ANKFN1: variants seen among roughly 807,000 people sequenced by gnomAD.
The protein encoded by ANKFN1 is ankyrin repeat and fibronectin type-III domain-containing protein 1.
In ANKFN1, 74 loss-of-function variants were observed where a neutral mutation model predicts 108.7. That is an observed-to-expected ratio of 0.68 (90% CI 0.56 to 0.83). ANKFN1 has a LOEUF of 0.83. ANKFN1 is among the 40% of genes least tolerant of loss of function. The probability of loss-of-function intolerance (pLI) is 0.00; values close to 1 mark genes in which losing one functional copy is unlikely to be tolerated. For missense variants in ANKFN1, 1,505 were observed against 1,382.3 expected, an observed-to-expected ratio of 1.09 and a Z score of -1.41; for synonymous variants, 547 against 516.2, an observed-to-expected ratio of 1.06 and a Z score of -0.81.
At chr17:56,256,723 G>A (rs1380493176) in intron 3 of ANKFN1, among the ~76,000 whole-genome samples, 1 of 152,134 alleles carries the variant, frequency 6.6e-6, no homozygotes, top group Non-Finnish European at 1.5e-5. Flanking sequence ...AATCTACAGA[G>A]TGGCTAATAT....
At chr17:56,165,018 G>A (rs956463143) in intron 1 of ANKFN1, among the ~76,000 whole-genome samples, 2 of 152,222 alleles carry the variant, frequency 1.3e-5, no homozygotes, top group Non-Finnish European at 2.9e-5. Flanking sequence ...CTTAGTTAAT[G>A]TTTCAGAGCC....
At chr17:56,301,709 G>T (rs774504112) in intron 3 of ANKFN1, among the ~76,000 whole-genome samples, 14 of 152,168 alleles carry the variant, frequency 9.2e-5, no homozygotes, top group Non-Finnish European at 2.1e-4. Flanking sequence ...GAGATAGAAT[G>T]GTGAAACTCT....
rs181837096 is a variant in ANKFN1, at chr17:56,233,809, G to C, written c.53+5852G>C. On this transcript the variant is annotated intron_variant, in intron 3 of 20. Coordinates refer to ENST00000682825, the MANE Select transcript of ANKFN1 (RefSeq NM_001370326.1). Reference sequence around the variant, plus strand: ...TAGATGTGTAACAAAATTTATGATTGATGAATGAATATAGTTTCCATGTAA... The same window carrying C: ...TAGATGTGTAACAAAATTTATGATTCATGAATGAATATAGTTTCCATGTAA... 3.4e-4 allele frequency among the ~76,000 whole-genome samples: 52 copies of C among 151,992 alleles called. No homozygotes were observed. The East Asian group carries it at 9.3e-3, about 27-fold the overall frequency.
At chr17:56,121,041 T>TA (rs1156610098) in intron 4 of ANKFN1, among the ~76,000 whole-genome samples, 1 of 152,124 alleles carries the variant, frequency 6.6e-6, no homozygotes, top group African/African-American at 2.4e-5. Context: ...CACTTAGTGA[T>TA]TAATCTTCTC....
Position 56,413,848 on chromosome 17 carries a change from T to C in ANKFN1, c.911-26479T>C, listed in dbSNP as rs1033634815. ...GATTCTCCTTCCTCAGCCTCCCAAG[T>C]AGCTGGGATTACAGAGATGGGGTTT... On this transcript the variant is annotated intron_variant, in intron 8 of 20. Coordinates refer to ENST00000682825, the MANE Select transcript of ANKFN1 (RefSeq NM_001370326.1). 5.9e-5 allele frequency among the ~76,000 whole-genome samples: 9 copies of C among 152,228 alleles called. No homozygotes were observed. In the East Asian group the frequency reaches 1.5e-3, roughly 26 times the overall value.
intron 8 of ANKFN1, among the ~76,000 whole-genome samples, chr17:56,407,931 CTTTTTTTTT>C (rs761975892): frequency 5.6e-3 from 586 of 104,642 alleles, no homozygotes; most frequent in African/African-American, 0.018. Flanking sequence ...TCTTTTTTAT[CTTTTTTTTT>C]TTTTTTTTTT....
intron 3 of ANKFN1, among the ~76,000 whole-genome samples, chr17:56,274,854 A>G (rs1275883854): frequency 6.6e-6 from 1 of 152,200 alleles, no homozygotes; most frequent in Admixed American, 6.5e-5. Flanking sequence ...CCCAAGGTTA[A>G]AGGCCATTAG....
chr17:56,274,083 A>G (rs540765458), intron 3 of ANKFN1, among the ~76,000 whole-genome samples: 1 of 152,278 alleles, frequency 6.6e-6, no homozygotes, highest in Non-Finnish European at 1.5e-5. Flanking sequence ...TTCTTATTGG[A>G]TAGATCCGAG....
At chr17:56,472,408 C>A (rs1405367254) in intron 15 of ANKFN1, 2 of 152,102 alleles carry the variant, frequency 1.3e-5, no homozygotes. Flanking sequence ...AAGCAACTAC[C>A]TATTGTTCCT....
At chr17:56,123,825 G>A (rs202114567) in intron 4 of ANKFN1, among the ~76,000 whole-genome samples, 3 of 138,886 alleles carry the variant, frequency 2.2e-5, no homozygotes, top group Admixed American at 7.2e-5. Context: ...GTGTGTGTGT[G>A]ACAGAGAGAG....
At chr17:56,072,732 T>C (rs1258185741) in intron 4 of ANKFN1, among the ~76,000 whole-genome samples, 4 of 152,236 alleles carry the variant, frequency 2.6e-5, no homozygotes, top group African/African-American at 9.6e-5. Flanking sequence ...TAGCACAGGC[T>C]CTGGCCTGTA....
At chr17:56,077,762 C>G (rs190663768) in intron 4 of ANKFN1, among the ~76,000 whole-genome samples, 1 of 152,158 alleles carries the variant, frequency 6.6e-6, no homozygotes, top group African/African-American at 2.4e-5. Flanking sequence ...CTTTCTCTCC[C>G]ACCTTGGAAT....
chr17:56,500,727 G>A (rs1244125375), intron 20 of ANKFN1, among the ~76,000 whole-genome samples: 2 of 152,138 alleles, frequency 1.3e-5, no homozygotes, highest in Non-Finnish European at 2.9e-5. Flanking sequence ...CAGTTTGGCT[G>A]AAACTCAGGA....
At chr17:56,364,817 A>T (rs2046618994) in intron 6 of ANKFN1, among the ~76,000 whole-genome samples, 1 of 152,234 alleles carries the variant, frequency 6.6e-6, no homozygotes, top group Non-Finnish European at 1.5e-5. Flanking sequence ...AAGTTATAGG[A>T]GAAGAAAGTT....
At chr17:56,160,988 G>C (rs1252982263) in intron 1 of ANKFN1, among the ~76,000 whole-genome samples, 1 of 152,200 alleles carries the variant, frequency 6.6e-6, no homozygotes, top group Admixed American at 6.5e-5. Context: ...GAAAAAACCA[G>C]AGGGCTCTTT....
intron 4 of ANKFN1, among the ~76,000 whole-genome samples, chr17:56,101,386 C>T (rs1321022692): frequency 6.6e-6 from 1 of 152,178 alleles, no homozygotes; most frequent in Non-Finnish European, 1.5e-5. Flanking sequence ...TGCCAAACTT[C>T]CCTCCTCATT....
At chr17:56,150,644 C>T (rs1388560987), upstream of ANKFN1, among the ~76,000 whole-genome samples, 1 of 152,140 alleles carries the variant, frequency 6.6e-6, no homozygotes, top group Non-Finnish European at 1.5e-5. Flanking sequence ...TTCTGCTCAT[C>T]ACATTCTCTT....
At chr17:56,405,557 T>A (rs546540293) in intron 8 of ANKFN1, among the ~76,000 whole-genome samples, 134 of 152,284 alleles carry the variant, frequency 8.8e-4, no homozygotes, top group Non-Finnish European at 1.6e-3. Context: ...CAACTACACC[T>A]AGATATATAT....
intron 4 of ANKFN1, among the ~76,000 whole-genome samples, chr17:56,055,557 G>GTATATATATATATATATATA (rs1555588755): frequency 4.8e-5 from 1 of 20,968 alleles, no homozygotes; most frequent in African/African-American, 2.6e-4. Context: ...TGTGTGTGTG[G>GTATATATATATATATATATA]TATATATACA....
Sources: allele counts gnomAD v4.1 joint callset (sites outside exome capture counted in the v4.1 genomes callset), GRCh38; gene constraint gnomAD v4.1.1; transcripts MANE v1.5; gene names NCBI Gene and HGNC (gene_info 2026-07-23, HGNC 2026-07-21).